The following TNK2 variants were observed in gnomAD, a reference collection of about 807,000 sequenced individuals.
The protein encoded by TNK2 is activated CDC42 kinase 1.
TNK2 carries 83 observed loss-of-function variants against 101.8 expected under a neutral mutation model. The ratio of observed to expected loss-of-function variants is 0.82; its 90% CI spans 0.68 to 0.98. The LOEUF (loss-of-function observed/expected upper bound fraction) is 0.98. Among genes scored for constraint, TNK2 ranks in the 50% least tolerant of loss-of-function variants. TNK2 has a pLI of 0.00. For synonymous variants in TNK2, 804 were observed against 633.0 expected (o/e 1.27, Z -4.06); for missense variants, 1,665 against 1,483.2 (o/e 1.12, Z -2.01).
chr3:195,873,664 C>T (rs1011479123), intron 9 of TNK2, among the ~76,000 whole-genome samples: 1 of 152,198 alleles, frequency 6.6e-6, no homozygotes, highest in Admixed American at 6.5e-5. Flanking sequence ...CTCTGAAACC[C>T]AGCCAGGCCG....
chr3:195,873,518 C>T (rs547974708), intron 9 of TNK2, among the ~76,000 whole-genome samples: 2 of 134,832 alleles, frequency 1.5e-5, no homozygotes, highest in South Asian at 2.6e-4. Context: ...GTGACAGCCC[C>T]GTGGGCAGAG....
At position 195,888,695 on chromosome 3, in the gene TNK2, A is replaced by G; in HGVS notation, c.-18-89T>C. ...GACCTGGGCTCACCTTCATCCCACTACACGGCCACCCGGAAGGGCTCACAC... is the reference window on the plus strand; with the variant it reads ...GACCTGGGCTCACCTTCATCCCACTGCACGGCCACCCGGAAGGGCTCACAC... On this transcript the variant is annotated intron_variant, in intron 1 of 15. Coordinates refer to ENST00000672887, the MANE Select transcript of TNK2 (RefSeq NM_001382273.1). The surrounding 1 kb of genome is among the most constrained non-coding windows in gnomAD (Gnocchi z 5.3). 3 of 1,291,178 alleles carry G rather than the reference A, an allele frequency of 2.3e-6. No homozygotes were observed. The highest frequency in any genetic ancestry group is 3.0e-5 in the African/African-American group (2 of 67,196). The allele number at this position is 1,291,178 out of a possible 1,614,324, so 80.0% of individuals were successfully genotyped here. A position where few individuals can be genotyped will look rare whatever the true frequency, so the allele number is the denominator to read the frequency against.
intron 10 of TNK2, among the ~76,000 whole-genome samples, chr3:195,871,412 C>T (rs1008676822): frequency 3.3e-5 from 5 of 152,100 alleles, no homozygotes; most frequent in South Asian, 2.1e-4. Flanking sequence ...GGAAAGCAGG[C>T]TCACTCCCAT....
chr3:195,886,817 C>T lies in TNK2; in HGVS notation c.234+160G>A, dbSNP rs1755809016. Among the ~76,000 whole-genome samples the T allele has an allele frequency of 1.3e-5, 2 of 152,218 alleles. No homozygotes were observed. Among genetic ancestry groups the T allele is most frequent in the Admixed American group, 1.3e-4 (2 of 15,290 alleles). ...TTAGCCCAGCAGCTCTACAAGTGCCCTGCCCGATAAGACCCTGGACGAGGG... is the reference window on the plus strand; with the variant it reads ...TTAGCCCAGCAGCTCTACAAGTGCCTTGCCCGATAAGACCCTGGACGAGGG... On this transcript the variant is annotated intron_variant, in intron 3 of 15. Coordinates refer to ENST00000672887, the MANE Select transcript of TNK2 (RefSeq NM_001382273.1). The surrounding 1 kb of genome is among the most constrained non-coding windows in gnomAD (Gnocchi z 4.2).
intron 1 of TNK2, among the ~76,000 whole-genome samples, chr3:195,907,783 G>C (rs1295923324): frequency 2.6e-5 from 4 of 152,202 alleles, no homozygotes; most frequent in Non-Finnish European, 5.9e-5. Flanking sequence ...ACCTCCCCAG[G>C]GTGGGGCCAC....
intron 4 of TNK2, chr3:195,884,266 T>A (rs1398375877): frequency 6.6e-6 from 1 of 151,076 alleles, no homozygotes; most frequent in Non-Finnish European, 1.5e-5. Flanking sequence ...TACAGGCGAT[T>A]TTTTTTTTCT....
At chr3:195,887,747 GCA>G (rs1756372259) in intron 2 of TNK2, among the ~76,000 whole-genome samples, 1 of 150,960 alleles carries the variant, frequency 6.6e-6, no homozygotes, top group Non-Finnish European at 1.5e-5. Context: ...GCGTGTGTGT[GCA>G]CACGCGTGTG....
rs1746195456 is a variant in TNK2 at position 195,872,566 on chromosome 3, G to A, written c.1257-96C>T. 6.8e-6 allele frequency: 9 copies of A among 1,322,564 alleles called. No homozygotes were observed. The Admixed American group carries it at 2.3e-4, about 34-fold the overall frequency. The allele number at this position is 1,322,564 out of a possible 1,614,324, so 81.9% of individuals were successfully genotyped here. Reference sequence around the variant, plus strand: ...ACCCTGGCCACTGTGGCAGAAGGGGGATGGAGCTCAGGCCTCAGGACCAGG... The same window carrying A: ...ACCCTGGCCACTGTGGCAGAAGGGGAATGGAGCTCAGGCCTCAGGACCAGG... On this transcript the variant is annotated intron_variant, in intron 9 of 15. Coordinates refer to ENST00000672887, the MANE Select transcript of TNK2 (RefSeq NM_001382273.1).
intron 9 of TNK2, chr3:195,876,294 AGCTGC>A (rs1164500989): frequency 4.9e-6 from 2 of 411,538 alleles, no homozygotes; most frequent in Non-Finnish European, 9.8e-6. Context: ...ACTCAGTCAG[AGCTGC>A]GGCAGGTGGC....
rs551534158 is a variant in TNK2 at position 195,882,682 on chromosome 3, AC to A, written c.610-355del. Among the ~76,000 whole-genome samples, 5 of 151,994 alleles carry A rather than the reference AC, an allele frequency of 3.3e-5. No homozygotes were observed. The East Asian group carries it at 9.7e-4, about 29-fold the overall frequency. Reference sequence around the variant, plus strand: ...AGACCAGCCTGGCCAACATGGTGAAACCCCGTCTCTACTAAAAATACAAAAA... The same window carrying A: ...AGACCAGCCTGGCCAACATGGTGAAACCCGTCTCTACTAAAAATACAAAAA... On this transcript the variant is annotated intron_variant, in intron 5 of 15. Transcript: ENST00000672887. The surrounding 1 kb of genome is among the most constrained non-coding windows in gnomAD (Gnocchi z 4.2).
Position 195,872,309 on chromosome 3 carries a change from C to T in TNK2, c.1418G>A (p.Arg473His), listed in dbSNP as rs566778334. ...CCTGTCCGGGAAGCCCCAGCAGTGG[C>T]GGGGGTCACTGTCGCCATGCCCTGT... ...IHTGHGDSDP[R>H]HCWGFPDRID... Residue 473 changes from arginine (R) to histidine (H), a missense_variant, in exon 10 of 16, where the codon CGC becomes CAC. Arg to His is a conservative substitution (Grantham distance 29, BLOSUM62 0). Around this residue, in one of 3 missense-constraint regions of TNK2, gnomAD observed 1,136 missense variants for 894.9 expected, o/e 1.27. Coordinates refer to ENST00000672887, the MANE Select transcript of TNK2 (RefSeq NM_001382273.1). 123 of 1,613,278 alleles carry T rather than the reference C, an allele frequency of 7.6e-5. 1 individual carries two copies. Among genetic ancestry groups the T allele is most frequent in the Admixed American group, 2.0e-4 (12 of 60,012 alleles).
Position 195,883,175 on chromosome 3 carries a change from G to A in TNK2, c.591C>T (p.Leu197=), listed in dbSNP as rs1296146558. The change falls in exon 5 of 16, where the codon CTC becomes CTT. Residue 197 remains leucine (L), a synonymous_variant. Transcript: ENST00000672887. ...RNLIRLYGVV[L]TPPMKMVTEL... ...TACTCACCATCTTCATGGGCGGCGT[G>A]AGCACCACCCCGTAGAGGCGGATGA... 1 of 1,607,206 alleles carries A rather than the reference G, an allele frequency of 6.2e-7. No homozygotes were observed. Among genetic ancestry groups the A allele is most frequent in the East Asian group, 2.2e-5 (1 of 44,872 alleles).
At position 195,878,716 on chromosome 3, in the gene TNK2, T is replaced by C; in HGVS notation, c.1015-124A>G. 2 of 1,403,456 alleles carry C rather than the reference T, an allele frequency of 1.4e-6. No individual in the cohort carries two copies. The allele number at this position is 1,403,456 out of a possible 1,614,324, so 86.9% of individuals were successfully genotyped here. On this transcript the variant is annotated intron_variant, in intron 7 of 15. Coordinates refer to ENST00000672887, the MANE Select transcript of TNK2 (RefSeq NM_001382273.1). This position sits in a 1 kb window ranked among gnomAD's most constrained non-coding sequence, Gnocchi z 4.7. ...CCATGCCTGGCCTCCAAAGAAGGGA[T>C]CTGCCTGCCTGGGAGGGGCCCTCTC...
At chr3:195,879,397 C>A in intron 6 of TNK2, 1 of 522,288 alleles carries the variant, frequency 1.9e-6, no homozygotes, top group East Asian at 3.6e-5. Context: ...CACTTGCAGC[C>A]TGGTGGGGGA....
intron 6 of TNK2, among the ~76,000 whole-genome samples, chr3:195,880,018 C>T (rs1001775969): frequency 6.6e-6 from 1 of 152,146 alleles, no homozygotes; most frequent in African/African-American, 2.4e-5. Context: ...AAGCCAGCTG[C>T]TCGTTAAGAT....
chr3:195,880,624 C>A (rs12487966), intron 6 of TNK2, among the ~76,000 whole-genome samples: 1,120 of 52,944 alleles, frequency 0.021, 13 homozygotes, highest in Non-Finnish European at 0.027. Context: ...AACACCCCCC[C>A]AGCAATGCCC....
chr3:195,888,490 G>C lies in TNK2; in HGVS notation c.99C>G (p.Thr33=). The part of the protein sequence containing the change: ...FLRLRDDLNV[T]RLSHFEYVKN... ...TGACGTACTCAAAGTGGGACAGGCG[G>C]GTGACGTTGAGGTCATCTCGGAGCC... is the stretch of plus-strand genomic sequence containing the variant. The change falls in exon 2 of 16, where the codon ACC becomes ACG. Residue 33 remains threonine, a synonymous_variant. Coordinates refer to ENST00000672887, the MANE Select transcript of TNK2 (RefSeq NM_001382273.1). This position sits in a 1 kb window ranked among gnomAD's most constrained non-coding sequence, Gnocchi z 5.3. 6.2e-7 allele frequency: 1 copy of C among 1,614,074 alleles called. No individual in the cohort carries two copies. Among genetic ancestry groups the C allele is most frequent in the South Asian group, 1.1e-5 (1 of 91,078 alleles).
intron 1 of TNK2, among the ~76,000 whole-genome samples, chr3:195,893,915 C>G (rs1759577667): frequency 6.6e-6 from 1 of 152,204 alleles, no homozygotes; most frequent in African/African-American, 2.4e-5. Flanking sequence ...AAAGGGACAG[C>G]CATTTCCTGG....
At chr3:195,897,012 C>A (rs1760645490) in intron 1 of TNK2, among the ~76,000 whole-genome samples, 1 of 152,182 alleles carries the variant, frequency 6.6e-6, no homozygotes, top group South Asian at 2.1e-4. Flanking sequence ...ACCTCCCAGC[C>A]CGCCCTCTCC....
Sources: allele counts gnomAD v4.1 joint callset (sites outside exome capture counted in the v4.1 genomes callset), GRCh38; gene constraint gnomAD v4.1.1; regional missense constraint gnomAD v4.1.1; non-coding constraint Gnocchi (gnomAD v3.1); transcripts MANE v1.5; gene names NCBI Gene and HGNC (gene_info 2026-07-23, HGNC 2026-07-21).